The following SMAP1 variants were observed in gnomAD, a reference collection of about 807,000 sequenced individuals.
SMAP1 encodes stromal membrane-associated protein 1.
Under a neutral mutation model 58.5 loss-of-function variants are expected in SMAP1, and 24 were observed. The ratio of observed to expected loss-of-function variants is 0.41; its 90% CI spans 0.30 to 0.58. SMAP1 has a LOEUF of 0.58. SMAP1 is among the 20% of genes least tolerant of loss of function. The pLI is 0.29. For missense variants in SMAP1, 563 were observed against 566.3 expected, an observed-to-expected ratio of 0.99 and a Z score of 0.06; for synonymous variants, 216 against 196.6, an observed-to-expected ratio of 1.10 and a Z score of -0.82.
chr6:70,832,404 C>A (rs1197754466), intron 6 of SMAP1, among the ~76,000 whole-genome samples: 1 of 152,116 alleles, frequency 6.6e-6, no homozygotes, highest in Non-Finnish European at 1.5e-5. Flanking sequence ...AACACAACAC[C>A]TAGCTATTTA....
chr6:70,695,510 A>G (rs1228583390), intron 1 of SMAP1, among the ~76,000 whole-genome samples: 1 of 152,182 alleles, frequency 6.6e-6, no homozygotes, highest in Non-Finnish European at 1.5e-5. Flanking sequence ...GAATTTTATC[A>G]GAATCTTTTT....
At chr6:70,830,904 T>C (rs1770331658) in intron 6 of SMAP1, among the ~76,000 whole-genome samples, 1 of 152,232 alleles carries the variant, frequency 6.6e-6, no homozygotes, top group African/African-American at 2.4e-5. Context: ...TTTTAGCATG[T>C]ACACAGGGTA....
At chr6:70,731,903 T>G (rs1765445765) in intron 1 of SMAP1, among the ~76,000 whole-genome samples, 1 of 152,252 alleles carries the variant, frequency 6.6e-6, no homozygotes, top group Non-Finnish European at 1.5e-5. Context: ...CATAAATTTC[T>G]TCTGTGAATT....
intron 6 of SMAP1, among the ~76,000 whole-genome samples, chr6:70,825,545 A>G (rs1770079873): frequency 6.6e-6 from 1 of 152,146 alleles, no homozygotes; most frequent in South Asian, 2.1e-4. Context: ...ACTGCTTTTA[A>G]AAAAAATCTT....
At chr6:70,765,093 G>A (rs772562956) in intron 3 of SMAP1, among the ~76,000 whole-genome samples, 3 of 152,166 alleles carry the variant, frequency 2.0e-5, no homozygotes, top group African/African-American at 7.2e-5. Flanking sequence ...GAGCCATTTT[G>A]CCCAGCCAGA....
At chr6:70,824,883 T>C (rs1262824259) in intron 6 of SMAP1, among the ~76,000 whole-genome samples, 1 of 152,200 alleles carries the variant, frequency 6.6e-6, no homozygotes, top group African/African-American at 2.4e-5. Context: ...ATGAGTAAGA[T>C]AGGATAGGAT....
intron 3 of SMAP1, among the ~76,000 whole-genome samples, chr6:70,763,106 CTTTTTTT>C (rs35936929): frequency 3.0e-4 from 25 of 84,472 alleles, no homozygotes; most frequent in South Asian, 9.2e-4. Flanking sequence ...ACAGATATTA[CTTTTTTT>C]TTTTTTTTTT....
chr6:70,803,894 G>T (rs1397528093), intron 6 of SMAP1, among the ~76,000 whole-genome samples: 1 of 152,170 alleles, frequency 6.6e-6, no homozygotes, highest in East Asian at 1.9e-4. Flanking sequence ...GTTTGCTGAG[G>T]AGTGTTTTAC....
intron 2 of SMAP1, among the ~76,000 whole-genome samples, chr6:70,738,492 A>G (rs533690002): frequency 5.3e-5 from 8 of 149,594 alleles, no homozygotes; most frequent in South Asian, 2.1e-4. Context: ...ACAGGTTTCT[A>G]TTGTAACCTA....
chr6:70,765,093 GC>G (rs1267559176), intron 3 of SMAP1, among the ~76,000 whole-genome samples: 6 of 152,166 alleles, frequency 3.9e-5, no homozygotes, highest in African/African-American at 1.4e-4. Context: ...GAGCCATTTT[GC>G]CCAGCCAGAA....
At chr6:70,711,265 A>C (rs536643608) in intron 1 of SMAP1, among the ~76,000 whole-genome samples, 49 of 152,318 alleles carry the variant, frequency 3.2e-4, no homozygotes, top group Admixed American at 2.7e-3. Context: ...ACATGTTAGT[A>C]ATTTGTTGTG....
At chr6:70,749,029 A>G (rs910570186) in intron 2 of SMAP1, among the ~76,000 whole-genome samples, 1 of 152,190 alleles carries the variant, frequency 6.6e-6, no homozygotes, top group African/African-American at 2.4e-5. Context: ...GTGTTCTCAC[A>G]CTGCTATAAA....
At chr6:70,729,343 G>C (rs112254735) in intron 1 of SMAP1, among the ~76,000 whole-genome samples, 6,859 of 151,920 alleles carry the variant, frequency 0.045, 186 homozygotes, top group Middle Eastern at 0.058. Flanking sequence ...GGAGGCTGAG[G>C]CAGGAGAATG....
chr6:70,668,601 C>T (rs1766135783), intron 1 of SMAP1: 3 of 1,535,748 alleles, frequency 2.0e-6, no homozygotes, highest in Admixed American at 2.0e-5. Flanking sequence ...CGTCCTCCCA[C>T]TCCGGGCTCG....
At chr6:70,709,040 C>A (rs1350267052) in intron 1 of SMAP1, among the ~76,000 whole-genome samples, 1 of 151,888 alleles carries the variant, frequency 6.6e-6, no homozygotes, top group Non-Finnish European at 1.5e-5. Context: ...TCAGTCCAGA[C>A]CAGTATGAAG....
chr6:70,774,738 T>A (rs888690590), intron 4 of SMAP1, among the ~76,000 whole-genome samples: 1 of 150,724 alleles, frequency 6.6e-6, no homozygotes, highest in Non-Finnish European at 1.5e-5. Flanking sequence ...AAAATTTTTA[T>A]TTTTTTTTCG....
intron 6 of SMAP1, among the ~76,000 whole-genome samples, chr6:70,806,914 A>T (rs1171694402): frequency 6.6e-6 from 1 of 152,174 alleles, no homozygotes; most frequent in Non-Finnish European, 1.5e-5. Context: ...GCAGCTCAGG[A>T]ATTTGAACCC....
intron 1 of SMAP1, among the ~76,000 whole-genome samples, 173 bp downstream of exon 1, chr6:70,668,314 G>A (rs1338219233): frequency 6.6e-6 from 1 of 152,088 alleles, no homozygotes; most frequent in Non-Finnish European, 1.5e-5. Context: ...CGACCCTCAA[G>A]TCCGCCAGAG....
chr6:70,800,054 A>T (rs1473509986), intron 6 of SMAP1, among the ~76,000 whole-genome samples: 1 of 151,952 alleles, frequency 6.6e-6, no homozygotes, highest in Non-Finnish European at 1.5e-5. Flanking sequence ...TTTTCACTAT[A>T]GCTTCATTTA....
Sources: gnomAD v4.1 joint callset for allele counts (sites outside exome capture counted in the v4.1 genomes callset) on GRCh38, gnomAD v4.1.1 for gene constraint, MANE v1.5 for transcripts, NCBI Gene and HGNC (gene_info 2026-07-23, HGNC 2026-07-21) for gene names.